The following DMD variants were observed in gnomAD, a reference collection of about 807,000 sequenced individuals.
DMD encodes the protein mutant dystrophin.
In DMD, 63 loss-of-function variants were observed where a neutral mutation model predicts 330.1. The observed-to-expected ratio is 0.19, with a 90% CI of 0.16 to 0.24. The LOEUF (loss-of-function observed/expected upper bound fraction) is 0.24, where lower values mean the gene tolerates loss of function less well. Among genes scored for constraint, DMD ranks in the 10% least tolerant of loss-of-function variants. DMD has a pLI of 1.00. For synonymous variants in DMD, 1,223 were observed against 959.8 expected, an observed-to-expected ratio of 1.27 and a Z score of -5.07; for missense variants, 3,344 against 2,684.1, an observed-to-expected ratio of 1.25 and a Z score of -5.43.
intron 59 of DMD, among the ~76,000 whole-genome samples, chrX:31,454,954 T>TTTC (rs1556646993): frequency 2.0e-5 from 2 of 98,634 alleles, no homozygotes; most frequent in African/African-American, 7.6e-5. Flanking sequence ...TCTTTTTCTT[T>TTTC]TTTTTTTTTT....
chrX:31,929,815 C>A, intron 46 of DMD, 70 bp from the exon 47 acceptor site: 8 of 1,139,541 alleles, frequency 7.0e-6, no homozygotes, highest in African/African-American at 1.8e-5. Flanking sequence ...GTCTTTGCTT[C>A]TATTGATTAG....
At chrX:32,532,098 T>A (rs1392412236) in intron 17 of DMD, among the ~76,000 whole-genome samples, 1 of 111,520 alleles carries the variant, frequency 9.0e-6, no homozygotes, top group Non-Finnish European at 1.9e-5. Context: ...TATTATATAA[T>A]GTGGTTAAGA....
intron 2 of DMD, among the ~76,000 whole-genome samples, chrX:32,948,938 G>T (rs1266555990): frequency 1.8e-5 from 2 of 110,973 alleles, no homozygotes; most frequent in African/African-American, 3.3e-5. Context: ...AAAATAAGAG[G>T]TTCTCAAAAT....
chrX:33,152,160 C>CTATTAT lies in DMD; in HGVS notation c.31+59116_31+59121dup, dbSNP rs56954782. Among the ~76,000 whole-genome samples the CTATTAT allele has an allele frequency of 2.2e-3, 223 of 101,147 alleles. 1 individual carries two copies. The highest frequency in any genetic ancestry group is 7.5e-3 in the African/African-American group (207 of 27,772). 87.8% of individuals were successfully genotyped at this position (101,147 alleles called of 115,157 possible). A position where few individuals can be genotyped will look rare whatever the true frequency, so the allele number is the denominator to read the frequency against. On this transcript the variant is annotated intron_variant, in intron 1 of 78. Transcript: ENST00000357033. ...AGATATTGTATAGTTATTAGCTTTA[C>CTATTAT]TATTATTATTATTATTATTATTATT...
At chrX:32,017,018 A>G (rs906418939) in intron 44 of DMD, among the ~76,000 whole-genome samples, 2 of 112,397 alleles carry the variant, frequency 1.8e-5, no homozygotes, top group African/African-American at 6.5e-5. Context: ...TTATGCTCCC[A>G]TAAAATGCTT....
At chrX:32,237,608 G>A (rs751027185) in intron 43 of DMD, among the ~76,000 whole-genome samples, 1 of 111,483 alleles carries the variant, frequency 9.0e-6, no homozygotes, top group East Asian at 2.8e-4. Flanking sequence ...ATAATCCCCT[G>A]TCCCCTCAGA....
At chrX:32,332,461 G>A (rs367714006) in intron 41 of DMD, among the ~76,000 whole-genome samples, 4 of 105,315 alleles carry the variant, frequency 3.8e-5, no homozygotes, top group South Asian at 8.2e-4. Context: ...GTGCACACAT[G>A]AGAAAGATTC....
intron 9 of DMD, among the ~76,000 whole-genome samples, chrX:32,652,710 C>G (rs12008855): frequency 0.071 from 7,916 of 111,056 alleles, 681 homozygotes; most frequent in African/African-American, 0.25. Flanking sequence ...AATGGTATTT[C>G]TAGTTCTAGA....
At chrX:31,555,758 C>T (rs1449892630) in intron 55 of DMD, among the ~76,000 whole-genome samples, 2 of 112,148 alleles carry the variant, frequency 1.8e-5, no homozygotes, top group Non-Finnish European at 3.8e-5. Flanking sequence ...TGATGCAATA[C>T]AGAGACAGAC....
intron 52 of DMD, among the ~76,000 whole-genome samples, chrX:31,687,992 C>T (rs1299025541): frequency 9.0e-6 from 1 of 111,093 alleles, no homozygotes; most frequent in East Asian, 2.8e-4. Flanking sequence ...TCTTTCTCTA[C>T]CTCCTGTTTA....
intron 50 of DMD, among the ~76,000 whole-genome samples, chrX:31,812,019 G>C (rs2092472622): frequency 9.2e-6 from 1 of 108,646 alleles, no homozygotes; most frequent in Admixed American, 9.9e-5. Context: ...ATAAATGTAG[G>C]GTATTGTCAC....
At chrX:31,587,675 T>TGA (rs2076677826) in intron 55 of DMD, among the ~76,000 whole-genome samples, 1 of 111,534 alleles carries the variant, frequency 9.0e-6, no homozygotes, top group Non-Finnish European at 1.9e-5. Flanking sequence ...CTTTGTTAAC[T>TGA]CCTCTCACTT....
In DMD at chrX:31,469,074, G is replaced by C. The variant is rs762097460; in HGVS notation, c.8937+9032C>G. On this transcript the variant is annotated intron_variant, in intron 59 of 78. Coordinates refer to ENST00000357033, the MANE Select transcript of DMD (RefSeq NM_004006.3). Reference sequence around the variant, plus strand: ...AGCCTATGTGTGTCTCTGCACATGAGGTGGGTCTTCTGAATACAGCACACT... The same window carrying C: ...AGCCTATGTGTGTCTCTGCACATGACGTGGGTCTTCTGAATACAGCACACT... 2.7e-5 allele frequency among the ~76,000 whole-genome samples: 3 copies of C among 110,852 alleles called. No individual in the cohort carries two copies. In the Admixed American group the frequency reaches 2.9e-4, roughly 11 times the overall value.
intron 44 of DMD, among the ~76,000 whole-genome samples, chrX:32,060,277 G>C (rs1259147878): frequency 1.8e-5 from 2 of 110,703 alleles, no homozygotes. Context: ...ATCCAACTTT[G>C]AGTGGTTTCC....
At chrX:32,101,767 C>T (rs750903917) in intron 44 of DMD, among the ~76,000 whole-genome samples, 33 of 111,103 alleles carry the variant, frequency 3.0e-4, no homozygotes, top group Non-Finnish European at 5.5e-4. Flanking sequence ...TACAATTTTG[C>T]TATAGTTTAA....
intron 2 of DMD, among the ~76,000 whole-genome samples, chrX:32,862,382 T>G (rs1284300234): frequency 5.4e-5 from 6 of 111,988 alleles, no homozygotes; most frequent in Admixed American, 9.5e-5. Context: ...CACACCATCG[T>G]TAATGGAAAT....
At chrX:31,361,609 C>T (rs760944345) in intron 60 of DMD, among the ~76,000 whole-genome samples, 1 of 111,148 alleles carries the variant, frequency 9.0e-6, no homozygotes, top group South Asian at 3.9e-4. Flanking sequence ...AGCAGCTTAG[C>T]ATCTCATGTC....
At chrX:32,840,596 TACTCCTTCC>T (rs1398262879) in intron 4 of DMD, among the ~76,000 whole-genome samples, 1 of 112,223 alleles carries the variant, frequency 8.9e-6, no homozygotes, top group East Asian at 2.8e-4. Flanking sequence ...TTTACTGACT[TACTCCTTCC>T]AAAAGTTAAC....
chrX:32,096,281 G>A (rs971052379), intron 44 of DMD, among the ~76,000 whole-genome samples: 1 of 111,607 alleles, frequency 9.0e-6, no homozygotes, highest in African/African-American at 3.3e-5. Context: ...GTGGAGCCAA[G>A]GTTTGAACCC....
Sources: gnomAD v4.1 joint callset for allele counts (sites outside exome capture counted in the v4.1 genomes callset) on GRCh38, gnomAD v4.1.1 for gene constraint, MANE v1.5 for transcripts, NCBI Gene and HGNC (gene_info 2026-07-23, HGNC 2026-07-21) for gene names.